ROBO2: variants seen among roughly 807,000 people sequenced by gnomAD.
ROBO2 encodes roundabout homolog 2.
Under a neutral mutation model 160.8 loss-of-function variants are expected in ROBO2, and 53 were observed. The ratio of observed to expected loss-of-function variants is 0.33; its 90% CI spans 0.26 to 0.41. The LOEUF is 0.41. Ranked by LOEUF, ROBO2 falls within the 10% of genes least tolerant of loss-of-function variation. The pLI is 1.00. For missense variants in ROBO2, 1,577 were observed against 1,722.4 expected (o/e 0.92, Z 1.49); for synonymous variants, 664 against 611.7 (o/e 1.09, Z -1.26).
At chr3:77,026,734 A>T (rs1055130598) in intron 2 of ROBO2, among the ~76,000 whole-genome samples, 1 of 152,200 alleles carries the variant, frequency 6.6e-6, no homozygotes, top group Non-Finnish European at 1.5e-5. Context: ...CAGAAAAGCA[A>T]AGTATCTTTA....
chr3:77,436,847 G>A (rs1216538659), intron 2 of ROBO2, among the ~76,000 whole-genome samples: 1 of 151,882 alleles, frequency 6.6e-6, no homozygotes, highest in Admixed American at 6.6e-5. Context: ...TAGCCTGTAT[G>A]CAGAGGAAAT....
intron 11 of ROBO2, among the ~76,000 whole-genome samples, chr3:77,564,161 C>T (rs1281957116): frequency 3.3e-5 from 5 of 152,024 alleles, no homozygotes; most frequent in East Asian, 1.9e-4. Context: ...CAAAATACTA[C>T]GTTTCTATCA....
chr3:76,205,687 A>C (rs1702766781), intron 2 of ROBO2, among the ~76,000 whole-genome samples: 1 of 152,084 alleles, frequency 6.6e-6, no homozygotes, highest in African/African-American at 2.4e-5. Context: ...TTTGCTTTTC[A>C]GGCCTGGAGG....
chr3:76,485,161 A>G (rs1459883734), intron 2 of ROBO2, among the ~76,000 whole-genome samples: 1 of 152,076 alleles, frequency 6.6e-6, no homozygotes, highest in African/African-American at 2.4e-5. Flanking sequence ...ATTGTAATAC[A>G]TCATGAAAAA....
chr3:76,827,204 A>G (rs1180947791), intron 2 of ROBO2, among the ~76,000 whole-genome samples: 1 of 152,142 alleles, frequency 6.6e-6, no homozygotes, highest in African/African-American at 2.4e-5. Context: ...TTTCAGTCTG[A>G]CGACTCTTAG....
rs145410534 is a variant in ROBO2 at position 76,799,113 on chromosome 3, C to A, written c.110-298901C>A. Among the ~76,000 whole-genome samples the A allele has an allele frequency of 1.4e-3, 215 of 152,068 alleles. 1 individual carries two copies. The highest frequency in any genetic ancestry group is 5.1e-3 in the African/African-American group (210 of 41,466). Reference sequence around the variant, plus strand: ...CCTGCAGTCCCAGCTACTCGGGAGGCTGAGGCAGGAGAATCACTTGAACCC... The same window carrying A: ...CCTGCAGTCCCAGCTACTCGGGAGGATGAGGCAGGAGAATCACTTGAACCC... On this transcript the variant is annotated intron_variant, in intron 2 of 26. Transcript: ENST00000487694.
At chr3:76,363,240 G>A (rs942627252) in intron 2 of ROBO2, among the ~76,000 whole-genome samples, 2 of 151,708 alleles carry the variant, frequency 1.3e-5, no homozygotes, top group Non-Finnish European at 2.9e-5. Context: ...CACACACAGA[G>A]GGAATCAGTA....
At chr3:77,568,206 G>C (rs1380430699) in intron 12 of ROBO2, 107 bp from the exon 14 acceptor site, 1 of 1,332,688 alleles carries the variant, frequency 7.5e-7, no homozygotes, top group African/African-American at 1.5e-5. Flanking sequence ...TTTTCGTTTT[G>C]TTTCCCTGTA....
intron 2 of ROBO2, among the ~76,000 whole-genome samples, chr3:76,335,652 A>T (rs1003971306): frequency 6.6e-6 from 1 of 150,398 alleles, no homozygotes. Flanking sequence ...ATCTCGGCTC[A>T]CTGCAAGCTC....
chr3:77,442,180 C>A (rs956214680), intron 2 of ROBO2, among the ~76,000 whole-genome samples: 5 of 152,002 alleles, frequency 3.3e-5, no homozygotes, highest in African/African-American at 1.2e-4. Context: ...GGCGTCATGG[C>A]GGGCGCCTGT....
At chr3:77,386,441 A>G (rs1320266754) in intron 2 of ROBO2, among the ~76,000 whole-genome samples, 1 of 152,174 alleles carries the variant, frequency 6.6e-6, no homozygotes, top group Non-Finnish European at 1.5e-5. Flanking sequence ...TTTAACTGTA[A>G]TTCAGACTGT....
chr3:77,213,333 A>C (rs964878540), intron 2 of ROBO2, among the ~76,000 whole-genome samples: 10 of 151,928 alleles, frequency 6.6e-5, no homozygotes, highest in Admixed American at 1.3e-4. Flanking sequence ...AGGAATTTAT[A>C]CATTTCTTCT....
At chr3:77,617,383 C>A in intron 21 of ROBO2, 130 bp from the exon 23 acceptor site, 1 of 1,023,528 alleles carries the variant, frequency 9.8e-7, no homozygotes, top group Non-Finnish European at 1.5e-6. Context: ...ACACCAACAG[C>A]TTCAGGAAGA....
At chr3:77,580,333 C>A (rs936843397) in intron 16 of ROBO2, among the ~76,000 whole-genome samples, 1 of 152,066 alleles carries the variant, frequency 6.6e-6, no homozygotes, top group Non-Finnish European at 1.5e-5. Context: ...ATTAAAATTG[C>A]AATATTTAAG....
In ROBO2 at chr3:76,248,671, AAAG is replaced by A. The variant is rs924685469; in HGVS notation, c.109+311072_109+311074del. On this transcript the variant is annotated intron_variant, in intron 2 of 26. Coordinates refer to the ROBO2 transcript ENST00000487694. Reference sequence around the variant, plus strand: ...AAAGAAAAAAAACTTAAAAAAAAAAAAAGAAATTCTTCCAGACTTTCATAATCT... The same window carrying A: ...AAAGAAAAAAAACTTAAAAAAAAAAAAAATTCTTCCAGACTTTCATAATCT... Among the ~76,000 whole-genome samples the A allele has an allele frequency of 1.3e-3, 90 of 67,374 alleles. 3 individuals are homozygous for A. In the East Asian group the frequency reaches 0.029, roughly 21 times the overall value. 44.2% of individuals were successfully genotyped at this position (67,374 alleles called of 152,430 possible). A position where few individuals can be genotyped will look rare whatever the true frequency, so the allele number is the denominator to read the frequency against.
chr3:76,275,298 A>G (rs1347511919), intron 2 of ROBO2, among the ~76,000 whole-genome samples: 2 of 152,132 alleles, frequency 1.3e-5, no homozygotes, highest in East Asian at 1.9e-4. Flanking sequence ...ATTTTTTTTA[A>G]TACTTTAAGT....
intron 2 of ROBO2, among the ~76,000 whole-genome samples, chr3:76,693,285 G>A (rs1165514884): frequency 6.7e-6 from 1 of 149,094 alleles, no homozygotes; most frequent in African/African-American, 2.5e-5. Flanking sequence ...TATATATAGT[G>A]TGTATCTATA....
chr3:75,944,591 C>T (rs1282243637), intron 2 of ROBO2, among the ~76,000 whole-genome samples: 1 of 152,078 alleles, frequency 6.6e-6, no homozygotes, highest in Non-Finnish European at 1.5e-5. Flanking sequence ...AGGGCCATGC[C>T]TCATCCATCA....
intron 2 of ROBO2, among the ~76,000 whole-genome samples, chr3:76,626,153 T>TG: frequency 6.6e-6 from 1 of 152,256 alleles, no homozygotes; most frequent in Non-Finnish European, 1.5e-5. Flanking sequence ...ACTGAAAGGA[T>TG]GGGGTCACCA....
Sources: gnomAD v4.1 joint callset for allele counts (sites outside exome capture counted in the v4.1 genomes callset) on GRCh38, gnomAD v4.1.1 for gene constraint, MANE v1.5 for transcripts, NCBI Gene and HGNC (gene_info 2026-07-23, HGNC 2026-07-21) for gene names.